CSMD3: variants seen among roughly 807,000 people sequenced by gnomAD.
CSMD3 encodes CUB and Sushi multiple domains 3.
In CSMD3, 177 loss-of-function variants were observed where a neutral mutation model predicts 435.2. The observed-to-expected ratio is 0.41, with a 90% CI of 0.36 to 0.46. The LOEUF (loss-of-function observed/expected upper bound fraction) is 0.46. Among genes scored for constraint, CSMD3 ranks in the 20% least tolerant of loss-of-function variants. The pLI is 0.34. For synonymous variants in CSMD3, 1,656 were observed against 1,520.5 expected, an observed-to-expected ratio of 1.09 and a Z score of -2.07; for missense variants, 4,265 against 4,504.6, an observed-to-expected ratio of 0.95 and a Z score of 1.52.
chr8:112,843,006 T>C lies in CSMD3; in HGVS notation c.1756-13217A>G, dbSNP rs184579803. 4.8e-3 allele frequency among the ~76,000 whole-genome samples: 729 copies of C among 151,954 alleles called. 1 individual carries two copies. Among genetic ancestry groups the C allele is most frequent in the Non-Finnish European group, 6.9e-3 (471 of 67,876 alleles). ...CAATTATGGAATTAACTAAAATATA[T>C]GTGATGATAAAAGAAGTTGCTAAAA... On this transcript the variant is annotated intron_variant, in intron 11 of 70. Coordinates refer to ENST00000297405, the MANE Select transcript of CSMD3 (RefSeq NM_198123.2).
intron 3 of CSMD3, among the ~76,000 whole-genome samples, chr8:113,221,118 T>C (rs1246907680): frequency 6.6e-6 from 1 of 151,328 alleles, no homozygotes; most frequent in African/African-American, 2.4e-5. Flanking sequence ...TTGTTGGATC[T>C]TGTACTGGAG....
chr8:113,090,425 TATAAG>T (rs1438874905), intron 5 of CSMD3, among the ~76,000 whole-genome samples: 23 of 152,312 alleles, frequency 1.5e-4, no homozygotes, highest in East Asian at 7.7e-4. Context: ...AATATACCAG[TATAAG>T]ATAAGTTCTC....
chr8:112,947,341 A>C (rs1210957197), intron 9 of CSMD3, among the ~76,000 whole-genome samples: 1 of 151,764 alleles, frequency 6.6e-6, no homozygotes, highest in Non-Finnish European at 1.5e-5. Flanking sequence ...ACACAATACA[A>C]ATAAGATGTT....
intron 5 of CSMD3, among the ~76,000 whole-genome samples, chr8:113,064,674 A>T (rs1248431078): frequency 6.6e-6 from 1 of 152,178 alleles, no homozygotes. Context: ...GAGAGAGCTG[A>T]TTCTGTTCAT....
intron 32 of CSMD3, among the ~76,000 whole-genome samples, chr8:112,451,179 A>G (rs758713902): frequency 6.6e-6 from 1 of 152,196 alleles, no homozygotes; most frequent in Non-Finnish European, 1.5e-5. Flanking sequence ...CTATTTCATT[A>G]CAATTAAATA....
chr8:113,023,719 G>A (rs2086770575), intron 5 of CSMD3, among the ~76,000 whole-genome samples: 1 of 152,050 alleles, frequency 6.6e-6, no homozygotes, highest in Non-Finnish European at 1.5e-5. Flanking sequence ...GTTAAGAGAG[G>A]TGCCCAATCT....
intron 5 of CSMD3, among the ~76,000 whole-genome samples, chr8:113,087,043 CACT>C (rs2089811963): frequency 6.6e-6 from 1 of 152,172 alleles, no homozygotes; most frequent in African/African-American, 2.4e-5. Context: ...CTCTCTCTCA[CACT>C]TCTGCAAATT....
At chr8:113,282,336 C>A (rs1488978590) in intron 2 of CSMD3, among the ~76,000 whole-genome samples, 1 of 151,938 alleles carries the variant, frequency 6.6e-6, no homozygotes, top group East Asian at 1.9e-4. Context: ...CCTAAGGACT[C>A]CTCCAGAAAG....
chr8:113,281,118 A>T, intron 2 of CSMD3, among the ~76,000 whole-genome samples: 1 of 151,698 alleles, frequency 6.6e-6, no homozygotes, highest in Middle Eastern at 3.2e-3. Flanking sequence ...AGTTTCATGC[A>T]TTGTTTAATA....
chr8:113,058,830 G>A (rs1431832506), intron 5 of CSMD3, among the ~76,000 whole-genome samples: 1 of 151,300 alleles, frequency 6.6e-6, no homozygotes, highest in Non-Finnish European at 1.5e-5. Context: ...TCTATAGTTA[G>A]TTTTTAATTA....
chr8:112,732,744 G>T (rs957518187), intron 13 of CSMD3, among the ~76,000 whole-genome samples: 1 of 150,352 alleles, frequency 6.7e-6, no homozygotes, highest in African/African-American at 2.4e-5. Flanking sequence ...GATATTGTCC[G>T]AATAGACTTA....
chr8:112,876,102 C>T (rs1278525679), intron 10 of CSMD3, among the ~76,000 whole-genome samples: 1 of 151,906 alleles, frequency 6.6e-6, no homozygotes, highest in Non-Finnish European at 1.5e-5. Context: ...GGTTCCTGGG[C>T]ACATACACCC....
At chr8:112,442,500 A>T (rs1815138443) in intron 32 of CSMD3, among the ~76,000 whole-genome samples, 1 of 152,212 alleles carries the variant, frequency 6.6e-6, no homozygotes, top group African/African-American at 2.4e-5. Context: ...TCTCCATCTT[A>T]AAATTACATG....
chr8:113,263,900 T>C (rs776933295), intron 3 of CSMD3, among the ~76,000 whole-genome samples: 10 of 151,808 alleles, frequency 6.6e-5, no homozygotes, highest in Non-Finnish European at 1.0e-4. Flanking sequence ...GCTATTATTT[T>C]ATTCATGCTG....
chr8:112,451,147 A>C (rs1218089435), intron 32 of CSMD3, among the ~76,000 whole-genome samples: 1 of 152,180 alleles, frequency 6.6e-6, no homozygotes, highest in Non-Finnish European at 1.5e-5. Flanking sequence ...TTTAAATATA[A>C]ATGATGGATA....
At chr8:112,508,328 C>T (rs1321393654) in intron 28 of CSMD3, among the ~76,000 whole-genome samples, 2 of 152,094 alleles carry the variant, frequency 1.3e-5, no homozygotes, top group Non-Finnish European at 2.9e-5. Context: ...CTTATCATGA[C>T]CTAGATAAGC....
intron 20 of CSMD3, among the ~76,000 whole-genome samples, chr8:112,642,418 T>C (rs2131602523): frequency 6.6e-6 from 1 of 152,280 alleles, no homozygotes; most frequent in Non-Finnish European, 1.5e-5. Flanking sequence ...GTTAACTGAG[T>C]TTGAAACTAC....
At chr8:113,059,834 C>T (rs571795999) in intron 5 of CSMD3, among the ~76,000 whole-genome samples, 3 of 152,116 alleles carry the variant, frequency 2.0e-5, no homozygotes, top group East Asian at 1.9e-4. Context: ...GGGAATTTTC[C>T]GTTTAAACTG....
At chr8:112,693,740 T>C (rs2076190414) in intron 13 of CSMD3, among the ~76,000 whole-genome samples, 1 of 151,956 alleles carries the variant, frequency 6.6e-6, no homozygotes, top group South Asian at 2.1e-4. Flanking sequence ...ATGTTGTTTA[T>C]TATATGTCCT....
Sources: gnomAD v4.1 joint callset for allele counts (sites outside exome capture counted in the v4.1 genomes callset) on GRCh38, gnomAD v4.1.1 for gene constraint, MANE v1.5 for transcripts, NCBI Gene and HGNC (gene_info 2026-07-23, HGNC 2026-07-21) for gene names.